The following SPATA22 variants were observed in gnomAD, a reference collection of about 807,000 sequenced individuals.
SPATA22 encodes spermatogenesis associated 22, also known as spermatogenesis-associated protein 22.
A neutral mutation model predicts 47.8 loss-of-function variants in SPATA22; 29 were observed. The observed-to-expected ratio is 0.61, with a 90% confidence interval of 0.45 to 0.83. The LOEUF is 0.83. Ranked by LOEUF, SPATA22 falls within the 40% of genes least tolerant of loss-of-function variation. The pLI is 0.00. For missense variants in SPATA22, 410 were observed against 421.7 expected (o/e 0.97, Z 0.24); for synonymous variants, 133 against 140.9 (o/e 0.94, Z 0.40).
At chr17:3,447,193 G>T (rs2072746841) in intron 6 of SPATA22, among the ~76,000 whole-genome samples, 1 of 152,034 alleles carries the variant, frequency 6.6e-6, no homozygotes, top group African/African-American at 2.4e-5. Flanking sequence ...AGAGATGGGG[G>T]TTATTATTTT....
intron 2 of SPATA22, chr17:3,468,800 T>C (rs2073366771): frequency 2.6e-6 from 1 of 382,192 alleles, no homozygotes; most frequent in Non-Finnish European, 3.6e-6. Context: ...AATTAATGTC[T>C]TGAATACAGT....
chr17:3,456,022 G>A (rs1322061199), intron 5 of SPATA22, among the ~76,000 whole-genome samples: 1 of 152,140 alleles, frequency 6.6e-6, no homozygotes, highest in Non-Finnish European at 1.5e-5. Flanking sequence ...TCCCTTGTAA[G>A]TTGGATTCCT....
At chr17:3,497,697 T>G (rs1050477272) in intron 1 of SPATA22, among the ~76,000 whole-genome samples, 4 of 152,256 alleles carry the variant, frequency 2.6e-5, no homozygotes, top group African/African-American at 9.6e-5. Flanking sequence ...CAAACACTAA[T>G]GTCGTGCACG....
chr17:3,510,344 G>A (rs2074095999), intron 1 of SPATA22, among the ~76,000 whole-genome samples: 1 of 152,194 alleles, frequency 6.6e-6, no homozygotes, highest in Non-Finnish European at 1.5e-5. Context: ...AAGGTGACAT[G>A]CCTTATGGCT....
At chr17:3,451,705 T>C (rs903454656) in intron 5 of SPATA22, among the ~76,000 whole-genome samples, 1 of 152,160 alleles carries the variant, frequency 6.6e-6, no homozygotes, top group South Asian at 2.1e-4. Context: ...TCCCAGCACT[T>C]TGGGAGGCCG....
In SPATA22 at chr17:3,464,990, G is replaced by A. The variant is rs1215178871; in HGVS notation, c.173-2223C>T. 1.2e-4 allele frequency among the ~76,000 whole-genome samples: 11 copies of A among 88,934 alleles called. No individual in the cohort carries two copies. In the East Asian group the frequency reaches 2.1e-3, roughly 17 times the overall value. The allele number at this position is 88,934 out of a possible 152,430, so 58.3% of individuals were successfully genotyped here. A position where few individuals can be genotyped will look rare whatever the true frequency, so the allele number is the denominator to read the frequency against. ...TGGGAAGTGAGGAGCCCCTCTGCCC[G>A]GCCAGCCGCTCCGTCCGGGAGGGAG... is the stretch of plus-strand genomic sequence containing the variant. On this transcript the variant is annotated intron_variant, in intron 3 of 8. Coordinates refer to ENST00000572969, the MANE Select transcript of SPATA22 (RefSeq NM_001170698.2).
At chr17:3,443,454 CA>C (rs1040581020) in intron 7 of SPATA22, among the ~76,000 whole-genome samples, 183 bp from the exon 8 acceptor site, 1 of 151,970 alleles carries the variant, frequency 6.6e-6, no homozygotes, top group South Asian at 2.1e-4. Flanking sequence ...GGTAGGAAAA[CA>C]AAACTTCTGA....
chr17:3,442,500 A>G (rs1260581491), intron 8 of SPATA22, among the ~76,000 whole-genome samples: 1 of 151,938 alleles, frequency 6.6e-6, no homozygotes, highest in African/African-American at 2.4e-5. Flanking sequence ...CAATGTGTGT[A>G]GGTCTATAGC....
Position 3,481,628 on chromosome 17 carries a change from T to C in SPATA22, c.-73-12230A>G, listed in dbSNP as rs775451292. The C allele has an allele frequency of 5.6e-6, 9 of 1,613,654 alleles. No homozygotes were observed. In the Admixed American group the frequency reaches 1.0e-4, roughly 18 times the overall value. On this transcript the variant is annotated intron_variant, in intron 1 of 8. Transcript: ENST00000541913. ...CAAAAAAATGTCAGAAGATTTGCCA[T>C]ATGAAGTGAGAAGGGCTCAAGAAAT...
At chr17:3,474,582 C>CT (rs1052622669), upstream of SPATA22, among the ~76,000 whole-genome samples, 2 of 151,394 alleles carry the variant, frequency 1.3e-5, no homozygotes, top group Admixed American at 6.6e-5. Context: ...CCTACAGGAG[C>CT]TTTTTTTTTC....
At chr17:3,460,919 G>A (rs1270275808) in intron 5 of SPATA22, among the ~76,000 whole-genome samples, 1 of 151,664 alleles carries the variant, frequency 6.6e-6, no homozygotes, top group African/African-American at 2.4e-5. Flanking sequence ...AAAGCCAATT[G>A]TAGGGGCTTT....
At chr17:3,445,393 C>G (rs1307764343) in intron 7 of SPATA22, among the ~76,000 whole-genome samples, 1 of 151,908 alleles carries the variant, frequency 6.6e-6, no homozygotes. Context: ...ATAAAGAATC[C>G]CTGAAGTATA....
intron 1 of SPATA22, among the ~76,000 whole-genome samples, chr17:3,477,449 T>C (rs2073545355): frequency 1.3e-5 from 2 of 151,082 alleles, no homozygotes; most frequent in Admixed American, 1.3e-4. Flanking sequence ...TTTTTACCAC[T>C]TCTTTCTTTC....
At chr17:3,489,733 G>A (rs2073790010) in intron 1 of SPATA22, among the ~76,000 whole-genome samples, 1 of 152,170 alleles carries the variant, frequency 6.6e-6, no homozygotes, top group African/African-American at 2.4e-5. Context: ...AGGAAAAGGG[G>A]AAACTCTCAT....
intron 5 of SPATA22, among the ~76,000 whole-genome samples, chr17:3,459,588 G>T (rs1478238955): frequency 1.3e-5 from 2 of 151,938 alleles, no homozygotes; most frequent in Admixed American, 1.3e-4. Flanking sequence ...GTATTTATTT[G>T]GTAGAGACGG....
At chr17:3,461,926 A>G (rs948870116) in intron 5 of SPATA22, among the ~76,000 whole-genome samples, 1 of 152,172 alleles carries the variant, frequency 6.6e-6, no homozygotes, top group Non-Finnish European at 1.5e-5. Flanking sequence ...CAATTTTTTC[A>G]TACTATTTAA....
chr17:3,457,860 A>G (rs2073032475), intron 5 of SPATA22, among the ~76,000 whole-genome samples: 1 of 152,232 alleles, frequency 6.6e-6, no homozygotes, highest in East Asian at 1.9e-4. Context: ...AACTGAAACC[A>G]TAAAACTCTT....
intron 1 of SPATA22, among the ~76,000 whole-genome samples, chr17:3,469,783 C>A (rs2073386701): frequency 6.6e-6 from 1 of 152,204 alleles, no homozygotes; most frequent in Admixed American, 6.5e-5. Context: ...CCGGGAACTT[C>A]CTCCATGCCC....
At chr17:3,504,195 G>T (rs556489970) in intron 1 of SPATA22, among the ~76,000 whole-genome samples, 1 of 152,092 alleles carries the variant, frequency 6.6e-6, no homozygotes, top group Admixed American at 6.5e-5. Context: ...AGCCAACATG[G>T]TCTTCGTCGA....
Sources: gnomAD v4.1 joint callset for allele counts (sites outside exome capture counted in the v4.1 genomes callset) on GRCh38, gnomAD v4.1.1 for gene constraint, MANE v1.5 for transcripts, NCBI Gene and HGNC (gene_info 2026-07-23, HGNC 2026-07-21) for gene names.